The following CDH8 variants were observed in gnomAD, a reference collection of about 807,000 sequenced individuals.
CDH8 encodes cadherin 8.
CDH8 carries 17 observed loss-of-function variants against 68.1 expected under a neutral mutation model. That is an observed-to-expected ratio of 0.25 (90% CI 0.17 to 0.37). CDH8 has a LOEUF of 0.37. Among genes scored for constraint, CDH8 ranks in the 10% least tolerant of loss-of-function variants. The pLI is 1.00. For missense variants in CDH8, 763 were observed against 999.3 expected, an observed-to-expected ratio of 0.76 and a Z score of 3.19; for synonymous variants, 372 against 365.1, an observed-to-expected ratio of 1.02 and a Z score of -0.21.
intron 2 of CDH8, among the ~76,000 whole-genome samples, chr16:61,936,335 T>G (rs1964626562): frequency 6.6e-6 from 1 of 152,110 alleles, no homozygotes; most frequent in Admixed American, 6.6e-5. Context: ...TATATAGTGC[T>G]GAAAATAAAA....
intron 3 of CDH8, among the ~76,000 whole-genome samples, chr16:61,866,874 C>A (rs1424180135): frequency 6.6e-6 from 1 of 152,092 alleles, no homozygotes; most frequent in Non-Finnish European, 1.5e-5. Flanking sequence ...TTTTATTTAA[C>A]AAAGTATAAA....
chr16:61,878,218 T>A (rs1471401397), intron 3 of CDH8, among the ~76,000 whole-genome samples: 1 of 152,246 alleles, frequency 6.6e-6, no homozygotes, highest in Non-Finnish European at 1.5e-5. Context: ...GTGTAAGTTA[T>A]GACCAAATAG....
chr16:61,953,775 G>A lies in CDH8; in HGVS notation c.253-52302C>T, dbSNP rs902303439. On this transcript the variant is annotated intron_variant, in intron 2 of 11. Coordinates refer to ENST00000577390, the MANE Select transcript of CDH8 (RefSeq NM_001796.5). ...TTGCAGCTACTTGGGGGGCTGAGGC[G>A]GGAGAATCGCTTGAGCCCAAGTGGT... Among the ~76,000 whole-genome samples the A allele has an allele frequency of 5.3e-5, 8 of 150,958 alleles. No homozygotes were observed. The East Asian group carries it at 5.8e-4, about 11-fold the overall frequency.
At position 61,768,398 on chromosome 16, in the gene CDH8, T is replaced by TCTCTCTCTC. The variant is rs1960684849; in HGVS notation, c.1414+20947_1414+20948insGAGAGAGAG. On this transcript the variant is annotated intron_variant, in intron 8 of 11. Transcript: ENST00000577390. ...TCTCTCTCTCTCTCTCTCTCTCCCTTTCTCTCTCTCTCTCTCTCTCTCTCT... is the reference window on the plus strand; with the variant it reads ...TCTCTCTCTCTCTCTCTCTCTCCCTTCTCTCTCTCTCTCTCTCTCTCTCTCTCTCTCTCT... 2.8e-3 allele frequency among the ~76,000 whole-genome samples: 97 copies of TCTCTCTCTC among 35,206 alleles called. 1 individual carries two copies. Among genetic ancestry groups the TCTCTCTCTC allele is most frequent in the Non-Finnish European group, 3.9e-3 (77 of 19,854 alleles). 23.1% of individuals were successfully genotyped at this position (35,206 alleles called of 152,430 possible).
rs527409703 is a variant in CDH8, at chr16:61,784,323, A to T, written c.1414+5023T>A. On this transcript the variant is annotated intron_variant, in intron 8 of 11. Transcript: ENST00000577390. Reference sequence around the variant, plus strand: ...TAAAACAGACTTTAAACCAACAAAGATCAAAAGAGACAAAGAAGGCCATTA... The same window carrying T: ...TAAAACAGACTTTAAACCAACAAAGTTCAAAAGAGACAAAGAAGGCCATTA... Among the ~76,000 whole-genome samples the T allele has an allele frequency of 3.3e-5, 5 of 150,392 alleles. No individual in the cohort carries two copies. The South Asian group carries it at 1.1e-3, about 32-fold the overall frequency.
intron 2 of CDH8, among the ~76,000 whole-genome samples, chr16:62,008,960 CACACAT>C (rs1164893550): frequency 6.6e-6 from 1 of 151,358 alleles, no homozygotes; most frequent in African/African-American, 2.4e-5. Flanking sequence ...CACACACACA[CACACAT>C]GAGTATGACA....
At chr16:61,802,819 A>G (rs1961689323) in intron 7 of CDH8, among the ~76,000 whole-genome samples, 1 of 123,250 alleles carries the variant, frequency 8.1e-6, no homozygotes, top group African/African-American at 3.3e-5. Flanking sequence ...GACTATGTGA[A>G]AAGACCAAAT....
Position 62,021,461 on chromosome 16 carries a change from G to C in CDH8, c.-58C>G, listed in dbSNP as rs1597131370. The C allele has an allele frequency of 6.4e-7, 1 of 1,551,186 alleles. No homozygotes were observed. The highest frequency in any genetic ancestry group is 2.3e-5 in the East Asian group (1 of 44,334). ...TGAGACAATTATTTTTTTTGTCTCC[G>C]GTCTGCAGCCATCCAATTCATCATG... On this transcript the variant is annotated 5_prime_UTR_variant, in exon 2 of 12. Coordinates refer to ENST00000577390, the MANE Select transcript of CDH8 (RefSeq NM_001796.5).
At chr16:61,864,360 C>T (rs1018509486) in intron 3 of CDH8, among the ~76,000 whole-genome samples, 3 of 151,908 alleles carry the variant, frequency 2.0e-5, no homozygotes, top group Non-Finnish European at 2.9e-5. Flanking sequence ...AAAGTCTCCA[C>T]CCCCTCCCCA....
intron 3 of CDH8, among the ~76,000 whole-genome samples, chr16:61,883,495 T>C (rs1456856394): frequency 6.6e-6 from 1 of 152,064 alleles, no homozygotes; most frequent in Non-Finnish European, 1.5e-5. Flanking sequence ...TATTAACATA[T>C]ATTTTACATT....
intron 11 of CDH8, among the ~76,000 whole-genome samples, chr16:61,654,522 T>A: frequency 6.6e-6 from 1 of 152,292 alleles, no homozygotes; most frequent in East Asian, 1.9e-4. Flanking sequence ...AACTAGGTCC[T>A]TGGGCTTTCA....
At chr16:61,910,770 T>C (rs1426351685) in intron 2 of CDH8, among the ~76,000 whole-genome samples, 1 of 152,172 alleles carries the variant, frequency 6.6e-6, no homozygotes, top group Non-Finnish European at 1.5e-5. Context: ...CTGCCCAATC[T>C]GGAATTACTT....
At chr16:61,864,848 A>G (rs559902919) in intron 3 of CDH8, among the ~76,000 whole-genome samples, 53 of 152,296 alleles carry the variant, frequency 3.5e-4, no homozygotes, top group African/African-American at 1.2e-3. Context: ...TGCAAGAGTA[A>G]TGTCAAGCTG....
intron 10 of CDH8, among the ~76,000 whole-genome samples, chr16:61,677,399 A>T (rs1341651914): frequency 1.3e-5 from 2 of 151,760 alleles, no homozygotes; most frequent in African/African-American, 4.8e-5. Context: ...TTATTTTGAT[A>T]CAAATGGGCT....
chr16:61,682,746 C>A (rs1431658821), intron 10 of CDH8, among the ~76,000 whole-genome samples: 2 of 151,866 alleles, frequency 1.3e-5, no homozygotes, highest in East Asian at 3.9e-4. Flanking sequence ...GGAGCACTTG[C>A]AATTATCTTG....
chr16:61,872,506 G>A (rs1015881091), intron 3 of CDH8, among the ~76,000 whole-genome samples: 1 of 152,296 alleles, frequency 6.6e-6, no homozygotes, highest in Non-Finnish European at 1.5e-5. Flanking sequence ...TCAATACAAA[G>A]GAATGCCTGG....
chr16:61,878,282 C>T (rs1255899651), intron 3 of CDH8, among the ~76,000 whole-genome samples: 2 of 152,196 alleles, frequency 1.3e-5, no homozygotes, highest in Non-Finnish European at 2.9e-5. Flanking sequence ...CATAGCTTCA[C>T]AGGCTTTAGT....
chr16:61,879,933 T>A (rs1963538138), intron 3 of CDH8, among the ~76,000 whole-genome samples: 1 of 151,914 alleles, frequency 6.6e-6, no homozygotes, highest in Non-Finnish European at 1.5e-5. Flanking sequence ...TGGTTTGGTT[T>A]GTTTTTTTTT....
intron 9 of CDH8, among the ~76,000 whole-genome samples, chr16:61,720,654 A>T (rs189379682): frequency 3.8e-4 from 58 of 150,880 alleles, no homozygotes; most frequent in East Asian, 9.8e-4. Context: ...AATTTTTTTT[A>T]AAAAAATTTA....
Sources: allele counts gnomAD v4.1 joint callset (sites outside exome capture counted in the v4.1 genomes callset), GRCh38; gene constraint gnomAD v4.1.1; transcripts MANE v1.5; gene names NCBI Gene and HGNC (gene_info 2026-07-23, HGNC 2026-07-21).